ANGPT2: variants seen among roughly 807,000 people sequenced by gnomAD.
ANGPT2 encodes the protein angiopoietin 2, also known as angiopoietin-2.
A neutral mutation model predicts 62.9 loss-of-function variants in ANGPT2; 28 were observed. The observed-to-expected ratio is 0.44, with a 90% CI of 0.33 to 0.61. ANGPT2 has a LOEUF of 0.61. ANGPT2 is among the 20% of genes least tolerant of loss of function. ANGPT2 has a pLI of 0.03. For synonymous variants in ANGPT2, 284 were observed against 207.8 expected (o/e 1.37, Z -3.15); for missense variants, 727 against 594.9 (o/e 1.22, Z -2.31).
rs1388592546 is a variant in ANGPT2 at position 6,499,861 on chromosome 8, T to A, written c.*3240A>T. 1 of 1,613,060 alleles carries A rather than the reference T, an allele frequency of 6.2e-7. No homozygotes were observed. The highest frequency in any genetic ancestry group is 1.3e-5 in the African/African-American group (1 of 74,892). On this transcript the variant is annotated 3_prime_UTR_variant, in exon 9 of 9. Coordinates refer to ENST00000629816, the MANE Select transcript of ANGPT2 (RefSeq NM_001118887.2). ...GTTGTGTCACTTGCAGGTGCTATGGTCTTTAGAATTGGGTCACTGGATTTC... is the reference window on the plus strand; with the variant it reads ...GTTGTGTCACTTGCAGGTGCTATGGACTTTAGAATTGGGTCACTGGATTTC...
intron 1 of ANGPT2, among the ~76,000 whole-genome samples, chr8:6,557,894 C>A (rs559763624): frequency 6.6e-6 from 1 of 152,288 alleles, no homozygotes; most frequent in South Asian, 2.1e-4. Flanking sequence ...GCCCTGCTGT[C>A]ATTTTGTGGC....
chr8:6,513,734 A>T lies in ANGPT2; in HGVS notation c.1140T>A (p.Asn380Lys). The change falls in exon 7 of 9, where the codon AAT (asparagine) becomes AAA (lysine). Residue 380 changes from asparagine to lysine, a missense_variant. Coordinates refer to ENST00000629816, the MANE Select transcript of ANGPT2 (RefSeq NM_001118887.2). ...AATGTTCATACAATGAGTAAGCCTC[A>T]TTCCCTTCCCAGTCTTTAAGGTGTA... ...LKIHLKDWEG[N>K]EAYSLYEHFY... The T allele has an allele frequency of 6.2e-7, 1 of 1,614,082 alleles. No homozygotes were observed. Among genetic ancestry groups the T allele is most frequent in the East Asian group, 2.2e-5 (1 of 44,874 alleles).
At chr8:6,523,481 G>C (rs972953488) in intron 3 of ANGPT2, among the ~76,000 whole-genome samples, 9 of 152,210 alleles carry the variant, frequency 5.9e-5, no homozygotes, top group Non-Finnish European at 1.2e-4. Context: ...CATTAAGCCA[G>C]AGGAAACAAA....
intron 1 of ANGPT2, 105 bp from the exon 2 acceptor site, chr8:6,532,592 A>T: frequency 1.2e-6 from 1 of 806,192 alleles, no homozygotes; most frequent in Non-Finnish European, 1.8e-6. Context: ...AAAAAAAAAA[A>T]TCTATCAAAA....
At chr8:6,523,709 C>G (rs1989105) in intron 3 of ANGPT2, among the ~76,000 whole-genome samples, 86,410 of 151,946 alleles carry the variant, frequency 0.57, 25,560 homozygotes, top group East Asian at 0.92. Context: ...CCTGCCTCAG[C>G]CTCCTGAGTA....
chr8:6,538,522 C>A (rs1820919771), intron 1 of ANGPT2, among the ~76,000 whole-genome samples: 1 of 152,180 alleles, frequency 6.6e-6, no homozygotes, highest in Non-Finnish European at 1.5e-5. Context: ...CGCCCCTGAT[C>A]TTGTGGGCCT....
In ANGPT2 at chr8:6,508,622, T is replaced by C. The variant is rs112679236; in HGVS notation, c.1327+310A>G. The C allele has an allele frequency of 1.8e-3, 914 of 502,412 alleles. 12 individuals are homozygous for C. Among genetic ancestry groups the C allele is most frequent in the African/African-American group, 0.017 (864 of 51,164 alleles). 31.1% of individuals were successfully genotyped at this position (502,412 alleles called of 1,614,324 possible). A position where few individuals can be genotyped will look rare whatever the true frequency, so the allele number is the denominator to read the frequency against. On this transcript the variant is annotated intron_variant, in intron 8 of 8. Coordinates refer to ENST00000629816, the MANE Select transcript of ANGPT2 (RefSeq NM_001118887.2). ...CATAAAGCAAAATGTAATTAAACCA[T>C]CTCTCTAGTATCCAGCAAGCACAAA...
At chr8:6,550,459 C>T (rs899666767) in intron 1 of ANGPT2, among the ~76,000 whole-genome samples, 1 of 152,230 alleles carries the variant, frequency 6.6e-6, no homozygotes, top group Non-Finnish European at 1.5e-5. Context: ...GCATCCAGCG[C>T]GTCCTCACCT....
At chr8:6,551,348 C>T (rs900668754) in intron 1 of ANGPT2, among the ~76,000 whole-genome samples, 3 of 152,124 alleles carry the variant, frequency 2.0e-5, no homozygotes, top group African/African-American at 7.2e-5. Context: ...ATGTCAGCTG[C>T]AACGCCTTCA....
chr8:6,525,371 A>G (rs1293748054), intron 3 of ANGPT2, among the ~76,000 whole-genome samples: 2 of 152,176 alleles, frequency 1.3e-5, no homozygotes, highest in African/African-American at 4.8e-5. Flanking sequence ...GAGGGATTAC[A>G]GGTGTGTGCC....
At chr8:6,532,230 C>T in intron 2 of ANGPT2, 102 bp downstream of exon 2, 1 of 1,346,190 alleles carries the variant, frequency 7.4e-7, no homozygotes, top group Non-Finnish European at 1.0e-6. Flanking sequence ...TGTGGTGGTG[C>T]TTTCTTTAGT....
At chr8:6,540,505 C>T (rs926375323) in intron 1 of ANGPT2, among the ~76,000 whole-genome samples, 9 of 152,194 alleles carry the variant, frequency 5.9e-5, no homozygotes, top group African/African-American at 9.7e-5. Context: ...TGTCTGTGAG[C>T]GTGCAGCCTC....
intron 2 of ANGPT2, among the ~76,000 whole-genome samples, chr8:6,530,712 G>A (rs1819332824): frequency 6.6e-6 from 1 of 152,030 alleles, no homozygotes; most frequent in African/African-American, 2.4e-5. Flanking sequence ...GTGATATTGT[G>A]GAAAGACCTG....
At chr8:6,513,186 C>A (rs1815525102) in intron 7 of ANGPT2, among the ~76,000 whole-genome samples, 1 of 152,068 alleles carries the variant, frequency 6.6e-6, no homozygotes, top group Non-Finnish European at 1.5e-5. Flanking sequence ...TATGAAGTTT[C>A]TTTTATATTG....
intron 1 of ANGPT2, among the ~76,000 whole-genome samples, chr8:6,544,289 C>T (rs1822140493): frequency 6.6e-6 from 1 of 152,108 alleles, no homozygotes; most frequent in Non-Finnish European, 1.5e-5. Context: ...CTGTCTGTGG[C>T]CAGCAGTCCA....
rs574290458 is a variant in ANGPT2, at chr8:6,514,714, C to G, written c.992G>C (p.Ser331Thr). The change falls in exon 6 of 9, where the codon AGC (serine) becomes ACC (threonine). Residue 331 changes from serine to threonine, a missense_variant. Physicochemically the swap from Ser to Thr is moderately conservative, Grantham distance 58. Transcript: ENST00000629816. ...WTIIQRREDG[S>T]VDFQRTWKEY... ...TTTCCAAGTCCTCTGAAAATCAACG[C>G]TGCCATCCTCACGTCGCTGAATAAT... The G allele has an allele frequency of 3.1e-6, 5 of 1,614,132 alleles. No individual in the cohort carries two copies. Among genetic ancestry groups the G allele is most frequent in the South Asian group, 2.2e-5 (2 of 91,082 alleles).
At chr8:6,509,310 C>T (rs1418593596) in intron 7 of ANGPT2, among the ~76,000 whole-genome samples, 3 of 152,196 alleles carry the variant, frequency 2.0e-5, no homozygotes, top group Non-Finnish European at 2.9e-5. Flanking sequence ...CTATCAGAAG[C>T]GACTGTAGAG....
chr8:6,507,586 T>G (rs1032389091), intron 8 of ANGPT2: 8 of 149,166 alleles, frequency 5.4e-5, no homozygotes. Flanking sequence ...TTTTTTTTTT[T>G]TTTTTTTTTG....
rs983849219 is a variant in ANGPT2, at chr8:6,519,970, T to G, written c.821A>C (p.Lys274Thr). ...TSNSKDPTVA[K>T]EEQISFRDCA... Reference sequence around the variant, plus strand: ...GTCTCTGAAGCTGATTTGTTCTTCTTTAGCAACAGTGGGGTCCTTAGCTGC... The same window carrying G: ...GTCTCTGAAGCTGATTTGTTCTTCTGTAGCAACAGTGGGGTCCTTAGCTGC... Residue 274 changes from lysine to threonine, a missense_variant, in exon 5 of 9, where the codon AAA (lysine) becomes ACA (threonine). By Grantham distance (78) the Lys-to-Thr change is moderately conservative. Coordinates refer to ENST00000629816, the MANE Select transcript of ANGPT2 (RefSeq NM_001118887.2). 2 of 1,614,168 alleles carry G rather than the reference T, an allele frequency of 1.2e-6. No individual in the cohort carries two copies. Among genetic ancestry groups the G allele is most frequent in the Admixed American group, 3.3e-5 (2 of 60,028 alleles).
Sources: allele counts gnomAD v4.1 joint callset (sites outside exome capture counted in the v4.1 genomes callset), GRCh38; gene constraint gnomAD v4.1.1; transcripts MANE v1.5; gene names NCBI Gene and HGNC (gene_info 2026-07-23, HGNC 2026-07-21).